DNAJC18: variants seen among roughly 807,000 people sequenced by gnomAD.
The protein encoded by DNAJC18 is dnaJ homolog subfamily C member 18.
DNAJC18 carries 40 observed loss-of-function variants against 48.6 expected under a neutral mutation model. The ratio of observed to expected loss-of-function variants is 0.82; its 90% CI spans 0.64 to 1.07. The LOEUF (loss-of-function observed/expected upper bound fraction) is 1.07, where lower values mean the gene tolerates loss of function less well. DNAJC18 is among the 50% of genes least tolerant of loss of function. The pLI is 0.00. For synonymous variants in DNAJC18, 135 were observed against 152.2 expected (o/e 0.89, Z 0.83); for missense variants, 340 against 427.7 (o/e 0.79, Z 1.81).
rs1561996030 is a variant in DNAJC18 at position 139,410,553 on chromosome 5, G to A, written c.*3595C>T. The A allele has an allele frequency of 6.6e-6, 1 of 150,990 alleles. No individual in the cohort carries two copies. The highest frequency in any genetic ancestry group is 1.5e-5 in the Non-Finnish European group (1 of 67,928). 9.4% of individuals were successfully genotyped at this position (150,990 alleles called of 1,614,324 possible). ...CCTTAAATGAGGGCAGAATAAATAT[G>A]AATGAAGTGCAAGCTCCTGTGAGGA... On this transcript the variant is annotated 3_prime_UTR_variant, in exon 8 of 8. Transcript: ENST00000302060.
intron 2 of DNAJC18, among the ~76,000 whole-genome samples, chr5:139,434,413 T>C (rs1395073727): frequency 6.6e-6 from 1 of 152,172 alleles, no homozygotes; most frequent in Non-Finnish European, 1.5e-5. Context: ...AGCCTCGAAC[T>C]CCTGGGCTCA....
At chr5:139,429,882 G>C (rs1326215737) in intron 2 of DNAJC18, among the ~76,000 whole-genome samples, 1 of 152,140 alleles carries the variant, frequency 6.6e-6, no homozygotes, top group Admixed American at 6.5e-5. Context: ...AGTTATGATT[G>C]TTCCACTACA....
At chr5:139,417,527 A>T (rs1647335272) in intron 7 of DNAJC18, among the ~76,000 whole-genome samples, 1 of 149,000 alleles carries the variant, frequency 6.7e-6, no homozygotes, top group Non-Finnish European at 1.5e-5. Flanking sequence ...GATAACTGCC[A>T]TTTGGAACTT....
intron 2 of DNAJC18, among the ~76,000 whole-genome samples, chr5:139,430,061 G>A (rs73790659): frequency 0.022 from 3,314 of 152,128 alleles, 125 homozygotes; most frequent in African/African-American, 0.076. Flanking sequence ...TCTCAGCAAC[G>A]TTTTATACTC....
chr5:139,422,757 T>C lies in DNAJC18; in HGVS notation c.730A>G (p.Ile244Val). ...PVLVIVIISV[I>V]TQLLATNPPY... is the part of the protein sequence containing the mutation. Reference sequence around the variant, plus strand: ...GGATTAGTAGCCAGCAGCTGAGTAATGACAGATATAATCACAATCACAAGA... The same window carrying C: ...GGATTAGTAGCCAGCAGCTGAGTAACGACAGATATAATCACAATCACAAGA... The change falls in exon 6 of 8, where the codon ATT becomes GTT. Residue 244 changes from isoleucine (I) to valine (V), a missense_variant. Physicochemically the swap from Ile to Val is conservative, Grantham distance 29 (BLOSUM62 3). Transcript: ENST00000302060. The C allele has an allele frequency of 6.2e-7, 1 of 1,611,658 alleles. No individual in the cohort carries two copies. The highest frequency in any genetic ancestry group is 1.7e-5 in the Admixed American group (1 of 59,616).
chr5:139,419,291 C>T (rs1391880884), intron 7 of DNAJC18: 12 of 371,726 alleles, frequency 3.2e-5, no homozygotes, highest in Admixed American at 1.1e-4. Flanking sequence ...TTGGCTGAGA[C>T]GGGGCTACCC....
intron 6 of DNAJC18, among the ~76,000 whole-genome samples, chr5:139,421,751 T>G (rs902576751): frequency 5.9e-5 from 9 of 152,076 alleles, no homozygotes; most frequent in African/African-American, 1.9e-4. Flanking sequence ...GAGGTTGAAG[T>G]GAGCCCAGAT....
At chr5:139,419,248 T>C (rs1457118745) in intron 7 of DNAJC18, 2 of 410,926 alleles carry the variant, frequency 4.9e-6, no homozygotes, top group Middle Eastern at 5.5e-4. Flanking sequence ...GGTATGTGTG[T>C]GTAGAATTCA....
chr5:139,436,617 C>T (rs959373126), intron 2 of DNAJC18, among the ~76,000 whole-genome samples: 1 of 150,314 alleles, frequency 6.7e-6, no homozygotes, highest in Admixed American at 6.7e-5. Context: ...AATCCTCCTG[C>T]CTCAGCCTCT....
intron 7 of DNAJC18, among the ~76,000 whole-genome samples, chr5:139,414,514 C>G (rs1759043053): frequency 6.6e-6 from 1 of 152,226 alleles, no homozygotes; most frequent in Non-Finnish European, 1.5e-5. Context: ...AAGCACTGGA[C>G]TTAGTTCTTA....
At position 139,439,409 on chromosome 5, in the gene DNAJC18, C is replaced by T; in HGVS notation, c.37G>A (p.Glu13Lys). ...ATLGSGERWT[E>K]AYIDAVRRNK... ...CCTTCAGGCGGGGACCTAGTACCTT[C>T]CGTCCAGCGCTCCCCGCTGCCCAGA... Residue 13 changes from glutamate (E) to lysine (K), a missense_variant, in exon 1 of 8, where the codon GAA (glutamate) becomes AAA (lysine). By Grantham distance (56) the Glu-to-Lys change is moderately conservative. Transcript: ENST00000302060. This position sits in a 1 kb window ranked among gnomAD's most constrained non-coding sequence, Gnocchi z 4.1. 6.2e-7 allele frequency: 1 copy of T among 1,614,102 alleles called. No individual in the cohort carries two copies. The highest frequency in any genetic ancestry group is 1.7e-5 in the Admixed American group (1 of 60,038).
In DNAJC18 at chr5:139,437,476, G is replaced by T. The variant is rs1750696453; in HGVS notation, c.123C>A (p.Cys41Ter). Residue 41 changes from cysteine (C) to a stop codon, truncating the protein, a stop_gained, in exon 2 of 8, where the codon TGC becomes TGA. Transcript: ENST00000302060. LOFTEE classifies it high-confidence loss of function. ...ESHDPCGCCN[C>*]MKAQKEKKSE... ...ACTTCTTTTCCTTTTGTGCCTTCAT[G>T]CAGTTACAGCAGCCACAGGGGTCAT... 1 of 1,614,044 alleles carries T rather than the reference G, an allele frequency of 6.2e-7. No individual in the cohort carries two copies. Among genetic ancestry groups the T allele is most frequent in the Non-Finnish European group, 8.5e-7 (1 of 1,180,042 alleles).
rs752628347 is a variant in DNAJC18 at position 139,414,120 on chromosome 5, C to T, written c.*28G>A. 1.3e-6 allele frequency: 2 copies of T among 1,599,428 alleles called. No individual in the cohort carries two copies. The highest frequency in any genetic ancestry group is 4.5e-5 in the East Asian group (2 of 44,680). On this transcript the variant is annotated 3_prime_UTR_variant, in exon 8 of 8. Transcript: ENST00000302060. ...CATAAATAGGAACAAGTAGCAAAAC[C>T]CCAGCCCTGCGTAGGACCATTATCC...
chr5:139,414,422 C>T (rs533084557), intron 7 of DNAJC18, 150 bp from the exon 8 acceptor site: 58 of 1,208,378 alleles, frequency 4.8e-5, no homozygotes, highest in Middle Eastern at 2.8e-4. Flanking sequence ...TCACAAAACA[C>T]GTCTTAGGTA....
At chr5:139,423,570 G>A (rs1374641116) in intron 5 of DNAJC18, among the ~76,000 whole-genome samples, 3 of 151,656 alleles carry the variant, frequency 2.0e-5, no homozygotes, top group African/African-American at 7.3e-5. Flanking sequence ...TTAAATTTTT[G>A]TAGAGACAAG....
chr5:139,418,730 T>C (rs1206639453), intron 7 of DNAJC18: 1 of 456,156 alleles, frequency 2.2e-6, no homozygotes, highest in African/African-American at 2.0e-5. Context: ...CTGCTGTTGT[T>C]ATTCACAATC....
intron 2 of DNAJC18, among the ~76,000 whole-genome samples, 167 bp from the exon 3 acceptor site, chr5:139,428,850 C>T (rs1277448291): frequency 6.6e-6 from 1 of 152,016 alleles, no homozygotes; most frequent in Non-Finnish European, 1.5e-5. Flanking sequence ...TGTCCTTCTC[C>T]CACCCAGAAC....
intron 6 of DNAJC18, 106 bp from the exon 7 acceptor site, chr5:139,420,331 G>T: frequency 8.0e-6 from 9 of 1,126,990 alleles, no homozygotes; most frequent in Non-Finnish European, 9.8e-6. Context: ...ATAGAGCAGA[G>T]GCAGATATCA....
intron 1 of DNAJC18, among the ~76,000 whole-genome samples, chr5:139,438,962 AT>A (rs1321264263): frequency 6.6e-6 from 1 of 152,044 alleles, no homozygotes; most frequent in Non-Finnish European, 1.5e-5. Flanking sequence ...TTGGATCAAT[AT>A]TTTTTGCCTG....
Sources: gnomAD v4.1 joint callset for allele counts (sites outside exome capture counted in the v4.1 genomes callset) on GRCh38, gnomAD v4.1.1 for gene constraint, Gnocchi (gnomAD v3.1) non-coding constraint, MANE v1.5 for transcripts, NCBI Gene and HGNC (gene_info 2026-07-23, HGNC 2026-07-21) for gene names.